ID2: variants seen among roughly 807,000 people sequenced by gnomAD.
ID2 encodes the protein inhibitor of DNA binding 2.
ID2 carries 2 observed loss-of-function variants against 8.3 expected under a neutral mutation model. The ratio of observed to expected loss-of-function variants is 0.24; its 90% confidence interval spans 0.10 to 0.76. The LOEUF is 0.76. ID2 is among the 30% of genes least tolerant of loss of function. The pLI, the probability that ID2 is intolerant of heterozygous loss-of-function variation, is 0.73. For synonymous variants in ID2, 112 were observed against 72.3 expected, an observed-to-expected ratio of 1.55 and a Z score of -2.79; for missense variants, 155 against 167.0, an observed-to-expected ratio of 0.93 and a Z score of 0.40.
chr2:8,682,320 G>C lies in ID2; in HGVS notation c.155G>C (p.Ser52Thr). 6.2e-7 allele frequency: 1 copy of C among 1,614,124 alleles called. No individual in the cohort carries two copies. The highest frequency in any genetic ancestry group is 8.5e-7 in the Non-Finnish European group (1 of 1,180,024). ...TCCAAGCTCAAGGAGCTGGTGCCCAGCATCCCCCAGAACAAGAAGGTGAGC... is the reference window on the plus strand; with the variant it reads ...TCCAAGCTCAAGGAGCTGGTGCCCACCATCCCCCAGAACAAGAAGGTGAGC... Reference protein sequence around the residue: ...CYSKLKELVPSIPQNKKVSKM... With the variant: ...CYSKLKELVPTIPQNKKVSKM... The change falls in exon 1 of 3, where the codon AGC becomes ACC. Residue 52 changes from serine to threonine, a missense_variant. Physicochemically the swap from Ser to Thr is moderately conservative, Grantham distance 58. Transcript: ENST00000396290.
At position 8,682,131 on chromosome 2, in the gene ID2, G is replaced by GC. The variant is rs1662091716; in HGVS notation, c.-34dup. On this transcript the variant is annotated 5_prime_UTR_variant, in exon 1 of 3. Coordinates refer to ENST00000396290, the MANE Select transcript of ID2 (RefSeq NM_002166.5). ...GGCGGCCTGAGCTTCAGGGCAGCCA[G>GC]CTCCCTCCCGGTCTCGCCTTCCCTC... 1 of 1,561,764 alleles carries GC rather than the reference G, an allele frequency of 6.4e-7. No individual in the cohort carries two copies. Among genetic ancestry groups the GC allele is most frequent in the African/African-American group, 1.4e-5 (1 of 73,868 alleles).
chr2:8,684,079 G>A lies in ID2; in HGVS notation c.*402G>A, dbSNP rs1040749488. 1 of 152,214 alleles carries A rather than the reference G, an allele frequency of 6.6e-6. No individual in the cohort carries two copies. Among genetic ancestry groups the A allele is most frequent in the Non-Finnish European group, 1.5e-5 (1 of 68,008 alleles). The allele number at this position is 152,214 out of a possible 1,614,324, so 9.4% of individuals were successfully genotyped here. ...TCAGTCACTTAAATGAAGTCTTTTG[G>A]TCAGAAATTACCTTTTTGACACAAG... On this transcript the variant is annotated 3_prime_UTR_variant, in exon 3 of 3. Transcript: ENST00000396290.
At chr2:8,682,722 C>A in intron 1 of ID2, 121 bp from the exon 2 acceptor site, 1 of 824,110 alleles carries the variant, frequency 1.2e-6, no homozygotes, top group South Asian at 1.5e-5. Flanking sequence ...TGAATTGTTA[C>A]CATAAACGTG....
intron 2 of ID2, 114 bp from the exon 3 acceptor site, chr2:8,683,571 C>CT (rs925527269): frequency 1.3e-5 from 2 of 152,280 alleles, no homozygotes; most frequent in African/African-American, 2.4e-5. Flanking sequence ...TTTGCCCAAT[C>CT]TTTGAGTGTT....
Position 8,684,101 on chromosome 2 carries a change from C to A in ID2, c.*424C>A, listed in dbSNP as rs938169886. ...TTGGTCAGAAATTACCTTTTTGACA[C>A]AAGCCTACTGAATGCTGTGTATATA... is the stretch of plus-strand genomic sequence containing the variant. On this transcript the variant is annotated 3_prime_UTR_variant, in exon 3 of 3. Transcript: ENST00000396290. The A allele has an allele frequency of 4.6e-5, 7 of 152,260 alleles. No homozygotes were observed. The highest frequency in any genetic ancestry group is 1.7e-4 in the African/African-American group (7 of 41,400). The allele number at this position is 152,260 out of a possible 1,614,324, so 9.4% of individuals were successfully genotyped here.
chr2:8,682,685 A>G, intron 1 of ID2, 158 bp from the exon 2 acceptor site: 1 of 723,386 alleles, frequency 1.4e-6, no homozygotes, highest in Non-Finnish European at 2.3e-6. Context: ...GTAAGTTCTG[A>G]CATGTTAATG....
chr2:8,682,522 T>C lies in ID2; in HGVS notation c.348+9T>C. 1 of 1,599,006 alleles carries C rather than the reference T, an allele frequency of 6.3e-7. No individual in the cohort carries two copies. Among genetic ancestry groups the C allele is most frequent in the Non-Finnish European group, 8.6e-7 (1 of 1,169,578 alleles). On this transcript the variant is annotated intron_variant, in intron 1 of 2. Coordinates refer to ENST00000396290, the MANE Select transcript of ID2 (RefSeq NM_002166.5). ...GCATCCTGTCCTTGCAGGTAAGACC[T>C]GCTCCGGGGTCCCCGCCCCGCCGCC...
chr2:8,684,172 TAATTA>T lies in ID2; in HGVS notation c.*496_*500del, dbSNP rs1326149588. 3.9e-5 allele frequency: 6 copies of T among 152,046 alleles called. No homozygotes were observed. Among genetic ancestry groups the T allele is most frequent in the African/African-American group, 9.7e-5 (4 of 41,384 alleles). The allele number at this position is 152,046 out of a possible 1,614,324, so 9.4% of individuals were successfully genotyped here. Reference sequence around the variant, plus strand: ...TTTGAGTGAAACCTTGTGAACTCTTTAATTAGAGTTTTCTTGTATAGTGGCAGAGA... The same window carrying T: ...TTTGAGTGAAACCTTGTGAACTCTTTGAGTTTTCTTGTATAGTGGCAGAGA... On this transcript the variant is annotated 3_prime_UTR_variant, in exon 3 of 3. Coordinates refer to ENST00000396290, the MANE Select transcript of ID2 (RefSeq NM_002166.5).
In ID2 at chr2:8,682,418, A is replaced by G. The variant is rs1427506039; in HGVS notation, c.253A>G (p.Ile85Val). ...GATCGCCCTGGACTCGCATCCCACT[A>G]TTGTCAGCCTGCATCACCAGAGACC... is the stretch of plus-strand genomic sequence containing the variant. ...LQIALDSHPT[I>V]VSLHHQRPGQ... The change falls in exon 1 of 3, where the codon ATT becomes GTT. Residue 85 changes from isoleucine to valine, a missense_variant. Physicochemically the swap from Ile to Val is conservative, Grantham distance 29. Coordinates refer to ENST00000396290, the MANE Select transcript of ID2 (RefSeq NM_002166.5). 4.3e-6 allele frequency: 7 copies of G among 1,613,584 alleles called. No individual in the cohort carries two copies. Among genetic ancestry groups the G allele is most frequent in the Non-Finnish European group, 5.1e-6 (6 of 1,179,994 alleles).
At chr2:8,682,580 G>T in intron 1 of ID2, 67 bp downstream of exon 1, 1 of 1,172,848 alleles carries the variant, frequency 8.5e-7, no homozygotes, top group South Asian at 1.3e-5. Context: ...GCTGTCACTA[G>T]GAGATCCGTA....
At position 8,682,183 on chromosome 2, in the gene ID2, C is replaced by A. The variant is rs924843991; in HGVS notation, c.18C>A (p.Pro6=). The A allele has an allele frequency of 6.2e-7, 1 of 1,613,464 alleles. No individual in the cohort carries two copies. Among genetic ancestry groups the A allele is most frequent in the African/African-American group, 1.3e-5 (1 of 74,924 alleles). The change falls in exon 1 of 3, where the codon CCC becomes CCA. Residue 6 remains proline, a synonymous_variant. Coordinates refer to ENST00000396290, the MANE Select transcript of ID2 (RefSeq NM_002166.5). MKAFS[P]VRSVRKNSLS... is the part of the protein sequence containing the mutation. ...CGGTCAGCATGAAAGCCTTCAGTCC[C>A]GTGAGGTCCGTTAGGAAAAACAGCC...
In ID2 at chr2:8,683,696, T is replaced by C. The variant is rs1045317809; in HGVS notation, c.*19T>C. 1 of 152,488 alleles carries C rather than the reference T, an allele frequency of 6.6e-6. No homozygotes were observed. The highest frequency in any genetic ancestry group is 1.5e-5 in the Non-Finnish European group (1 of 68,056). The allele number at this position is 152,488 out of a possible 1,614,324, so 9.4% of individuals were successfully genotyped here. On this transcript the variant is annotated 3_prime_UTR_variant, in exon 3 of 3. Transcript: ENST00000396290. ...CCACTCTTTCGCAGGTGTTCATGAT[T>C]TCTTTTATTCTTTGCACAACAACAA...
rs901125964 is a variant in ID2, at chr2:8,683,984, G to T, written c.*307G>T. The stretch of plus-strand genomic sequence containing the variant: ...GGAGCGAAAACGTTAAAATCACAAG[G>T]AATTGCCCAATCTAAGCAGACTTTG... On this transcript the variant is annotated 3_prime_UTR_variant, in exon 3 of 3. Coordinates refer to ENST00000396290, the MANE Select transcript of ID2 (RefSeq NM_002166.5). The T allele has an allele frequency of 5.2e-5, 8 of 152,478 alleles. No individual in the cohort carries two copies. Among genetic ancestry groups the T allele is most frequent in the Non-Finnish European group, 1.2e-4 (8 of 68,034 alleles). The allele number at this position is 152,478 out of a possible 1,614,324, so 9.4% of individuals were successfully genotyped here.
At chr2:8,683,098 G>A in intron 2 of ID2, 192 bp downstream of exon 2, 1 of 604,196 alleles carries the variant, frequency 1.7e-6, no homozygotes, top group East Asian at 2.8e-5. Flanking sequence ...CGAGATCACA[G>A]AACATTTTCC....
rs746070871 is a variant in ID2, at chr2:8,682,267, C to T, written c.102C>T (p.Ser34=). 54 of 1,614,030 alleles carry T rather than the reference C, an allele frequency of 3.3e-5. No homozygotes were observed. In the South Asian group the frequency reaches 5.7e-4, roughly 17 times the overall value. The change falls in exon 1 of 3, where the codon AGC becomes AGT. Residue 34 remains serine (S), a synonymous_variant. Coordinates refer to ENST00000396290, the MANE Select transcript of ID2 (RefSeq NM_002166.5). ...RSKTPVDDPM[S]LLYNMNDCYS... is the part of the protein sequence containing the mutation. Reference sequence around the variant, plus strand: ...AAACCCCTGTGGACGACCCGATGAGCCTGCTATACAACATGAACGACTGCT... The same window carrying T: ...AAACCCCTGTGGACGACCCGATGAGTCTGCTATACAACATGAACGACTGCT...
chr2:8,682,614 A>G (rs1017767792), intron 1 of ID2, 101 bp downstream of exon 1: 1 of 853,910 alleles, frequency 1.2e-6, no homozygotes, highest in African/African-American at 1.7e-5. Context: ...CTTTCGTATG[A>G]GCTATTTAAC....
In ID2 at chr2:8,682,846, T is replaced by C. The variant is rs1420409187; in HGVS notation, c.352T>C (p.Ser118Pro). The C allele has an allele frequency of 1.2e-6, 2 of 1,612,440 alleles. No individual in the cohort carries two copies. Among genetic ancestry groups the C allele is most frequent in the East Asian group, 2.2e-5 (1 of 44,886 alleles). Residue 118 changes from serine (S) to proline (P), a missense_variant, in exon 2 of 3, where the codon TCT (serine) becomes CCT (proline). Physicochemically the swap from Ser to Pro is moderately conservative, Grantham distance 74. This residue lies in a region of ID2 where 75 missense variants were observed against 72.2 expected (regional missense o/e 1.04). Coordinates refer to ENST00000396290, the MANE Select transcript of ID2 (RefSeq NM_002166.5). Reference sequence around the variant, plus strand: ...TCTTTATCCTCTTTCTTTCCAGGCTTCTGAATTCCCTTCTGAGTTAATGTC... The same window carrying C: ...TCTTTATCCTCTTTCTTTCCAGGCTCCTGAATTCCCTTCTGAGTTAATGTC... ...TDISILSLQASEFPSELMSND... is the reference protein window; with the variant it reads ...TDISILSLQAPEFPSELMSND...
At chr2:8,682,762 C>CAAAAAAA in intron 1 of ID2, 81 bp from the exon 2 acceptor site, 2 of 742,024 alleles carry the variant, frequency 2.7e-6, no homozygotes, top group South Asian at 1.6e-5. Flanking sequence ...CTGTGGACTA[C>CAAAAAAA]AAAAAAAAAA....
chr2:8,682,194 T>G lies in ID2; in HGVS notation c.29T>G (p.Val10Gly), dbSNP rs372237811. MKAFSPVRS[V>G]RKNSLSDHSL... is the part of the protein sequence containing the mutation. ...AAAGCCTTCAGTCCCGTGAGGTCCG[T>G]TAGGAAAAACAGCCTGTCGGACCAC... is the stretch of plus-strand genomic sequence containing the variant. Residue 10 changes from valine to glycine, a missense_variant, in exon 1 of 3, where the codon GTT (valine) becomes GGT (glycine). By Grantham distance (109) the Val-to-Gly change is moderately radical. Around this residue, in one of 3 missense-constraint regions of ID2, gnomAD observed 73 missense variants for 72.2 expected, o/e 1.01. Transcript: ENST00000396290. The G allele has an allele frequency of 6.2e-7, 1 of 1,613,740 alleles. No individual in the cohort carries two copies. The highest frequency in any genetic ancestry group is 1.7e-5 in the Admixed American group (1 of 60,020).
Sources: allele counts gnomAD v4.1 joint callset, GRCh38; gene constraint gnomAD v4.1.1; regional missense constraint gnomAD v4.1.1; transcripts MANE v1.5; gene names NCBI Gene and HGNC (gene_info 2026-07-23, HGNC 2026-07-21).